FOXP2: variants seen among roughly 807,000 people sequenced by gnomAD.
FOXP2 encodes forkhead box P2.
A neutral mutation model predicts 115.8 loss-of-function variants in FOXP2; 12 were observed. The observed-to-expected ratio is 0.10, with a 90% CI of 0.07 to 0.17. The LOEUF (loss-of-function observed/expected upper bound fraction) is 0.17, where lower values mean the gene tolerates loss of function less well. Ranked by LOEUF, FOXP2 falls within the 10% of genes least tolerant of loss-of-function variation. The pLI is 1.00. For synonymous variants in FOXP2, 328 were observed against 297.7 expected (o/e 1.10, Z -1.05); for missense variants, 629 against 843.5 (o/e 0.75, Z 3.15).
At position 114,120,396 on chromosome 7, in the gene FOXP2, GAT is replaced by G. The variant is rs572905780; in HGVS notation, c.-247+32560_-247+32561del. Among the ~76,000 whole-genome samples the G allele has an allele frequency of 2.8e-4, 43 of 152,198 alleles. No individual in the cohort carries two copies. The East Asian group carries it at 7.5e-3, about 27-fold the overall frequency. ...TTAGAGCACTGGCATTTATCTTAAG[GAT>G]AGTAGTAAACTTTGAAAGCATTTGA... On this transcript the variant is annotated intron_variant, in intron 1 of 19. Coordinates refer to the FOXP2 transcript ENST00000635638.
At chr7:114,313,367 A>T (rs1797192007) in intron 2 of FOXP2, among the ~76,000 whole-genome samples, 1 of 152,212 alleles carries the variant, frequency 6.6e-6, no homozygotes, top group Admixed American at 6.5e-5. Context: ...ACAGTCTCTA[A>T]AATGGAGAAT....
At chr7:114,199,326 C>T (rs2129159180) in intron 1 of FOXP2, among the ~76,000 whole-genome samples, 1 of 152,184 alleles carries the variant, frequency 6.6e-6, no homozygotes, top group East Asian at 1.9e-4. Flanking sequence ...AGGGTCAATT[C>T]TACTTTTAAT....
chr7:114,594,578 C>CA (rs1335166730), intron 3 of FOXP2, among the ~76,000 whole-genome samples: 3 of 151,644 alleles, frequency 2.0e-5, no homozygotes, highest in South Asian at 2.1e-4. Flanking sequence ...GCAAAAACAA[C>CA]AAAAAAATAG....
At chr7:114,628,001 A>G (rs965138409) in intron 3 of FOXP2, among the ~76,000 whole-genome samples, 2 of 151,954 alleles carry the variant, frequency 1.3e-5, no homozygotes, top group Non-Finnish European at 2.9e-5. Context: ...TTTTATTACT[A>G]TATTTATTTT....
chr7:114,244,598 A>G (rs1450477291), intron 1 of FOXP2, among the ~76,000 whole-genome samples: 2 of 152,230 alleles, frequency 1.3e-5, no homozygotes, highest in Non-Finnish European at 2.9e-5. Flanking sequence ...GGCTTTTCAT[A>G]CAGATTATTT....
intron 2 of FOXP2, among the ~76,000 whole-genome samples, chr7:114,315,712 G>T (rs980824047): frequency 2.0e-5 from 3 of 152,050 alleles, no homozygotes; most frequent in African/African-American, 4.8e-5. Context: ...CACTGAGTTA[G>T]TGAACACTGA....
At position 114,346,767 on chromosome 7, in the gene FOXP2, G is replaced by A. The variant is rs181047066; in HGVS notation, c.-11+58658G>A. 1.3e-4 allele frequency among the ~76,000 whole-genome samples: 20 copies of A among 151,856 alleles called. No homozygotes were observed. In the East Asian group the frequency reaches 2.3e-3, roughly 18 times the overall value. ...TCATAGAAGCAGAGACTAGAACAAA[G>A]GTTATCAGAGACTGGATGGAGAGAG... is the stretch of plus-strand genomic sequence containing the variant. On this transcript the variant is annotated intron_variant, in intron 2 of 17. Coordinates refer to the FOXP2 transcript ENST00000634411.
rs568211470 is a variant in FOXP2, at chr7:114,465,298, A to G, written c.168+38619A>G. Among the ~76,000 whole-genome samples the G allele has an allele frequency of 1.6e-4, 24 of 152,202 alleles. 1 individual carries two copies. The South Asian group carries it at 5.0e-3, about 32-fold the overall frequency. On this transcript the variant is annotated intron_variant, in intron 2 of 16. Coordinates refer to ENST00000350908, the MANE Select transcript of FOXP2 (RefSeq NM_014491.4). ...TTTTTAAAGCTTTATTTTCACAACT[A>G]TTTTATGAAAGAGAATAGAGACACT...
chr7:114,191,786 A>G (rs1793767256), intron 1 of FOXP2, among the ~76,000 whole-genome samples: 1 of 152,192 alleles, frequency 6.6e-6, no homozygotes, highest in Non-Finnish European at 1.5e-5. Flanking sequence ...GCCAAAATCC[A>G]GAGATCACAT....
intron 2 of FOXP2, among the ~76,000 whole-genome samples, chr7:114,380,243 T>C (rs1792256081): frequency 6.6e-6 from 1 of 152,254 alleles, no homozygotes; most frequent in Non-Finnish European, 1.5e-5. Flanking sequence ...AAGTTAGGAA[T>C]TCCCTTTCTC....
At chr7:114,629,783 A>G in intron 4 of FOXP2, 22 bp from the exon 5 acceptor site, 2 of 1,613,980 alleles carry the variant, frequency 1.2e-6, no homozygotes, top group Non-Finnish European at 8.5e-7. Context: ...TTTATTTATT[A>G]AAGTCAAAAT....
At chr7:114,176,713 A>G (rs1317111564) in intron 1 of FOXP2, among the ~76,000 whole-genome samples, 1 of 141,026 alleles carries the variant, frequency 7.1e-6, no homozygotes, top group Non-Finnish European at 1.5e-5. Flanking sequence ...TAACTTACAT[A>G]TGGAAAGCTG....
At chr7:114,503,192 A>G (rs537754896) in intron 2 of FOXP2, among the ~76,000 whole-genome samples, 2 of 151,984 alleles carry the variant, frequency 1.3e-5, no homozygotes, top group Non-Finnish European at 2.9e-5. Flanking sequence ...TCAGTCTGCT[A>G]TTTTTTATAC....
At chr7:114,638,551 G>A (rs1265567324) in intron 6 of FOXP2, among the ~76,000 whole-genome samples, 1 of 152,146 alleles carries the variant, frequency 6.6e-6, no homozygotes, top group African/African-American at 2.4e-5. Context: ...TTCATAAGTA[G>A]TTTTGTAAGC....
intron 2 of FOXP2, among the ~76,000 whole-genome samples, chr7:114,508,346 CA>C (rs1797922123): frequency 6.6e-6 from 1 of 152,130 alleles, no homozygotes; most frequent in African/African-American, 2.4e-5. Flanking sequence ...GTGATTCATT[CA>C]TTTAGCAATT....
chr7:114,127,353 G>T (rs1237581990), intron 1 of FOXP2, among the ~76,000 whole-genome samples: 2 of 152,132 alleles, frequency 1.3e-5, no homozygotes, highest in Admixed American at 1.3e-4. Flanking sequence ...CCATGGTCAA[G>T]GGGAAAAGAT....
chr7:114,455,152 A>G (rs1430140879), intron 2 of FOXP2, among the ~76,000 whole-genome samples: 1 of 152,118 alleles, frequency 6.6e-6, no homozygotes, highest in African/African-American at 2.4e-5. Context: ...TCCAATAAAT[A>G]TTTCACTAAG....
intron 16 of FOXP2, chr7:114,665,657 C>A (rs556054580): frequency 1.3e-5 from 2 of 152,152 alleles, no homozygotes; most frequent in African/African-American, 4.8e-5. Flanking sequence ...GGTTCCGAAC[C>A]ATTACTTCTT....
At chr7:114,630,624 C>T (rs1055144458) in intron 5 of FOXP2, 1 of 154,448 alleles carries the variant, frequency 6.5e-6, no homozygotes, top group African/African-American at 2.4e-5. Context: ...GTATCAGAGC[C>T]GTTGTCTTCA....
Sources: allele counts gnomAD v4.1 joint callset (sites outside exome capture counted in the v4.1 genomes callset), GRCh38; gene constraint gnomAD v4.1.1; transcripts MANE v1.5; gene names NCBI Gene and HGNC (gene_info 2026-07-23, HGNC 2026-07-21).